The following EDA variants were observed in gnomAD, a reference collection of about 807,000 sequenced individuals.
EDA encodes the protein ectodysplasin A.
EDA carries 2 observed loss-of-function variants against 23.6 expected under a neutral mutation model. The observed-to-expected ratio is 0.08, with a 90% CI of 0.03 to 0.27. The LOEUF (loss-of-function observed/expected upper bound fraction) is 0.27, where lower values mean the gene tolerates loss of function less well. Among genes scored for constraint, EDA ranks in the 10% least tolerant of loss-of-function variants. The pLI is 1.00. For missense variants in EDA, 229 were observed against 324.2 expected (o/e 0.71, Z 2.26); for synonymous variants, 131 against 132.0 (o/e 0.99, Z 0.05).
chrX:69,676,586 T>C (rs997300228), intron 1 of EDA, among the ~76,000 whole-genome samples: 3 of 110,684 alleles, frequency 2.7e-5, no homozygotes, highest in African/African-American at 9.9e-5. Context: ...TTCTGTTCTA[T>C]ACCATACTTA....
intron 1 of EDA, among the ~76,000 whole-genome samples, chrX:69,759,861 C>T (rs1390384339): frequency 9.1e-6 from 1 of 109,399 alleles, no homozygotes; most frequent in African/African-American, 3.3e-5. Context: ...AAAAGAGGCT[C>T]GACATAAAAA....
intron 1 of EDA, among the ~76,000 whole-genome samples, chrX:69,863,043 A>G (rs1476427379): frequency 3.5e-5 from 1 of 28,414 alleles, no homozygotes; most frequent in Non-Finnish European, 1.2e-4. Context: ...TTATTTTCTG[A>G]AAAAAAAAAA....
intron 1 of EDA, chrX:69,937,873 T>C (rs2018697738): frequency 4.2e-6 from 5 of 1,200,862 alleles, no homozygotes; most frequent in Non-Finnish European, 5.6e-6. Flanking sequence ...CCAGTGGGTC[T>C]TGCAACCACA....
intron 1 of EDA, among the ~76,000 whole-genome samples, chrX:69,746,686 A>G (rs1443960363): frequency 9.0e-6 from 1 of 111,229 alleles, no homozygotes; most frequent in Non-Finnish European, 1.9e-5. Flanking sequence ...ATGCAGGTAG[A>G]AAAAGGTGAA....
intron 1 of EDA, among the ~76,000 whole-genome samples, chrX:69,786,369 T>G (rs1279889049): frequency 9.4e-6 from 1 of 106,553 alleles, no homozygotes; most frequent in Non-Finnish European, 1.9e-5. Context: ...TCTAGTTCTT[T>G]TAATTGTGAT....
chrX:70,036,836 G>A lies in EDA; in HGVS notation c.*1227G>A, dbSNP rs1005528852. 1 of 112,817 alleles carries A rather than the reference G, an allele frequency of 8.9e-6. No homozygotes were observed. The highest frequency in any genetic ancestry group is 1.9e-5 in the Non-Finnish European group (1 of 53,359). The allele number at this position is 112,817 out of a possible 1,213,427, so 9.3% of individuals were successfully genotyped here. On this transcript the variant is annotated 3_prime_UTR_variant, in exon 8 of 8. Coordinates refer to ENST00000374552, the MANE Select transcript of EDA (RefSeq NM_001399.5). ...CGTTAGGCCAGGCCTTATCTGAAAG[G>A]CCAGCAGCTGATGCTGTACTAACCC...
chrX:69,665,824 A>G (rs1459688130), intron 1 of EDA, among the ~76,000 whole-genome samples: 2 of 111,509 alleles, frequency 1.8e-5, no homozygotes, highest in African/African-American at 6.5e-5. Context: ...TACAAATTTT[A>G]GGATAGTTTT....
rs147316823 is a variant in EDA, at chrX:69,715,554, G to A, written c.396+98850G>A. 1.3e-4 allele frequency among the ~76,000 whole-genome samples: 14 copies of A among 111,487 alleles called. No homozygotes were observed. In the East Asian group the frequency reaches 3.7e-3, roughly 29 times the overall value. On this transcript the variant is annotated intron_variant, in intron 1 of 7. Transcript: ENST00000374552. ...GTGAGTAGTGCTGCAGTGAACATAC[G>A]CCACATGCATGTGTCTTTATGGTAG...
chrX:69,741,987 A>C (rs2013473761), intron 1 of EDA, among the ~76,000 whole-genome samples: 1 of 111,888 alleles, frequency 8.9e-6, no homozygotes, highest in African/African-American at 3.2e-5. Flanking sequence ...AAACATCTGC[A>C]TTACTCCTCC....
chrX:69,627,191 C>A (rs1932414198), intron 1 of EDA, among the ~76,000 whole-genome samples: 1 of 111,344 alleles, frequency 9.0e-6, no homozygotes, highest in South Asian at 3.8e-4. Flanking sequence ...ATGTGGGACC[C>A]AATAGGTACT....
chrX:69,796,081 G>T (rs191036943), intron 1 of EDA, among the ~76,000 whole-genome samples: 273 of 111,671 alleles, frequency 2.4e-3, no homozygotes, highest in African/African-American at 7.7e-3. Context: ...CTGAAGACTG[G>T]CTCAGCCAGC....
chrX:69,783,252 A>G (rs917537752), intron 1 of EDA, among the ~76,000 whole-genome samples: 2 of 111,412 alleles, frequency 1.8e-5, no homozygotes, highest in Admixed American at 9.5e-5. Flanking sequence ...AGTTTAAATG[A>G]CAGAAGAGAT....
At chrX:69,812,530 T>A (rs1056793873) in intron 1 of EDA, among the ~76,000 whole-genome samples, 19 of 112,119 alleles carry the variant, frequency 1.7e-4, no homozygotes, top group South Asian at 3.7e-4. Context: ...GAGATAGACT[T>A]TGAATGAGGT....
chrX:69,905,266 CTT>C (rs956991233), intron 1 of EDA, among the ~76,000 whole-genome samples: 4 of 112,046 alleles, frequency 3.6e-5, no homozygotes, highest in Non-Finnish European at 7.5e-5. Flanking sequence ...GAGAAGTGGA[CTT>C]AGCCACAAGG....
chrX:69,696,320 G>C (rs2011344826), intron 1 of EDA, among the ~76,000 whole-genome samples: 1 of 111,358 alleles, frequency 9.0e-6, no homozygotes, highest in Admixed American at 9.5e-5. Flanking sequence ...TTTTGCATCA[G>C]TGTACATTTG....
At chrX:69,760,759 A>G (rs1182257161) in intron 1 of EDA, among the ~76,000 whole-genome samples, 1 of 111,989 alleles carries the variant, frequency 8.9e-6, no homozygotes, top group African/African-American at 3.2e-5. Context: ...ATTGTGCCCT[A>G]AATTTGACTC....
intron 1 of EDA, among the ~76,000 whole-genome samples, chrX:69,636,863 C>T (rs148173523): frequency 1.8e-5 from 2 of 111,244 alleles, no homozygotes; most frequent in Non-Finnish European, 3.8e-5. Flanking sequence ...AGACATCCCA[C>T]CTCACTTTCT....
intron 1 of EDA, among the ~76,000 whole-genome samples, chrX:69,855,128 T>G (rs2017218025): frequency 9.0e-6 from 1 of 111,683 alleles, no homozygotes. Context: ...AAGTGTCTGT[T>G]TATATCCTTT....
At chrX:69,824,356 T>C (rs2016341989) in intron 1 of EDA, among the ~76,000 whole-genome samples, 2 of 109,443 alleles carry the variant, frequency 1.8e-5, no homozygotes, top group Admixed American at 2.0e-4. Context: ...CATTTGTTTG[T>C]ATCCTCTTTT....
Sources: gnomAD v4.1 joint callset for allele counts (sites outside exome capture counted in the v4.1 genomes callset) on GRCh38, gnomAD v4.1.1 for gene constraint, MANE v1.5 for transcripts, NCBI Gene and HGNC (gene_info 2026-07-23, HGNC 2026-07-21) for gene names.